The following PIK3C2G variants were observed in gnomAD, a reference collection of about 807,000 sequenced individuals.
The protein encoded by PIK3C2G is phosphatidylinositol 3-kinase C2 domain-containing subunit gamma.
In PIK3C2G, 168 loss-of-function variants were observed where a neutral mutation model predicts 181.1. The ratio of observed to expected loss-of-function variants is 0.93; its 90% confidence interval spans 0.82 to 1.05. The LOEUF (loss-of-function observed/expected upper bound fraction) is 1.05. Among genes scored for constraint, PIK3C2G ranks in the 50% least tolerant of loss-of-function variants. The probability of loss-of-function intolerance (pLI) is 0.00; values close to 1 mark genes in which losing one functional copy is unlikely to be tolerated. For synonymous variants in PIK3C2G, 573 were observed against 592.2 expected (o/e 0.97, Z 0.47); for missense variants, 1,869 against 1,732.8 (o/e 1.08, Z -1.40).
intron 8 of PIK3C2G, among the ~76,000 whole-genome samples, chr12:18,327,885 A>G (rs1178055489): frequency 6.6e-6 from 1 of 152,016 alleles, no homozygotes; most frequent in Non-Finnish European, 1.5e-5. Flanking sequence ...GAGAGACAGC[A>G]TATCCACATA....
chr12:18,707,486 A>G, the PIK3C2G span, among the ~76,000 whole-genome samples: 2 of 152,066 alleles, frequency 1.3e-5, no homozygotes, highest in African/African-American at 2.4e-5. Context: ...CCACATTGAA[A>G]GTGGATGTTG....
chr12:18,333,239 G>T (rs1034710997), intron 8 of PIK3C2G, among the ~76,000 whole-genome samples: 3 of 151,874 alleles, frequency 2.0e-5, no homozygotes, highest in African/African-American at 7.3e-5. Context: ...TATATTATCT[G>T]GATTTTTCAT....
At chr12:18,332,609 G>C (rs1938094467) in intron 8 of PIK3C2G, among the ~76,000 whole-genome samples, 1 of 151,996 alleles carries the variant, frequency 6.6e-6, no homozygotes, top group East Asian at 1.9e-4. Context: ...CAGAAGCAAA[G>C]GCCTTTTGCT....
intron 19 of PIK3C2G, among the ~76,000 whole-genome samples, chr12:18,490,316 A>G (rs1030288328): frequency 6.6e-6 from 1 of 152,304 alleles, no homozygotes; most frequent in East Asian, 1.9e-4. Context: ...GTAAAAGGTA[A>G]GAAACTCTTG....
At chr12:18,568,861 GCA>G (rs1359138804) in intron 29 of PIK3C2G, among the ~76,000 whole-genome samples, 1 of 151,954 alleles carries the variant, frequency 6.6e-6, no homozygotes, top group African/African-American at 2.4e-5. Context: ...TACTAGACTA[GCA>G]CATTGTTCTT....
chr12:18,691,875 G>A, the PIK3C2G span, among the ~76,000 whole-genome samples: 1 of 152,102 alleles, frequency 6.6e-6, no homozygotes, highest in Admixed American at 6.6e-5. Flanking sequence ...ACTGTTTCCT[G>A]CAATGGTCAG....
the PIK3C2G span, among the ~76,000 whole-genome samples, chr12:18,710,059 G>A: frequency 2.6e-5 from 4 of 151,410 alleles, no homozygotes; most frequent in African/African-American, 9.7e-5. Flanking sequence ...TTTTTGTGTG[G>A]AATCGTTGGG....
At chr12:18,368,069 G>A (rs1453957085) in intron 12 of PIK3C2G, among the ~76,000 whole-genome samples, 1 of 152,044 alleles carries the variant, frequency 6.6e-6, no homozygotes, top group African/African-American at 2.4e-5. Flanking sequence ...AACAACATGG[G>A]GGAAACCGCT....
At chr12:18,311,328 A>G (rs1272432039) in intron 5 of PIK3C2G, among the ~76,000 whole-genome samples, 3 of 152,072 alleles carry the variant, frequency 2.0e-5, no homozygotes, top group Non-Finnish European at 4.4e-5. Context: ...ATCCAGTTTT[A>G]TTTCAAAGTC....
intron 8 of PIK3C2G, 44 bp downstream of exon 8, chr12:18,325,142 T>G: frequency 9.5e-7 from 1 of 1,051,036 alleles, no homozygotes; most frequent in Non-Finnish European, 1.4e-6. Context: ...GTAAGCGTTT[T>G]TAACGCATCT....
At chr12:18,683,684 T>A in the PIK3C2G span, 1 of 1,229,338 alleles carries the variant, frequency 8.1e-7, no homozygotes, top group Non-Finnish European at 1.1e-6. Context: ...ACAGTGTAAA[T>A]CACCCTGGAA....
In PIK3C2G at chr12:18,290,640, C is replaced by T. The variant is rs571786741; in HGVS notation, c.762-215C>T. 2.6e-5 allele frequency among the ~76,000 whole-genome samples: 4 copies of T among 152,262 alleles called. No individual in the cohort carries two copies. The East Asian group carries it at 7.7e-4, about 29-fold the overall frequency. On this transcript the variant is annotated intron_variant, in intron 3 of 32. Transcript: ENST00000538779. ...CTCCTGGGAAAGCCTAAAGAACAGT[C>T]CTTTACACTTGTTTTTGGTATAATT...
At chr12:18,248,400 G>A (rs1028611685) in intron 1 of PIK3C2G, among the ~76,000 whole-genome samples, 3 of 151,948 alleles carry the variant, frequency 2.0e-5, no homozygotes, top group African/African-American at 7.2e-5. Flanking sequence ...GTGAAACCCC[G>A]TCTCTACTAA....
At chr12:18,284,678 GAAACAAAGGAACAA>G (rs1171083641) in intron 2 of PIK3C2G, among the ~76,000 whole-genome samples, 2 of 151,812 alleles carry the variant, frequency 1.3e-5, no homozygotes, top group African/African-American at 4.8e-5. Context: ...GAAACATCAA[GAAACAAAGGAACAA>G]AAACAAAGGC....
chr12:18,698,544 T>C, the PIK3C2G span, among the ~76,000 whole-genome samples: 1 of 152,294 alleles, frequency 6.6e-6, no homozygotes, highest in African/African-American at 2.4e-5. Context: ...AGAATCCGCA[T>C]TCCCAAACAG....
At chr12:18,595,258 T>G (rs1280766424) in intron 30 of PIK3C2G, among the ~76,000 whole-genome samples, 1 of 152,138 alleles carries the variant, frequency 6.6e-6, no homozygotes, top group Non-Finnish European at 1.5e-5. Flanking sequence ...ATTAGCTGGT[T>G]GTAAGCAAGA....
At chr12:18,680,489 C>T in the PIK3C2G span, among the ~76,000 whole-genome samples, 1,604 of 152,128 alleles carry the variant, frequency 0.011, 25 homozygotes, top group African/African-American at 0.037. Flanking sequence ...CATTTACCTC[C>T]AGTGACCATC....
At chr12:18,590,616 A>G (rs1292806104) in intron 29 of PIK3C2G, among the ~76,000 whole-genome samples, 1 of 151,902 alleles carries the variant, frequency 6.6e-6, no homozygotes, top group Non-Finnish European at 1.5e-5. Flanking sequence ...AGCACTGATA[A>G]TTCTATAAAT....
chr12:18,525,799 C>T (rs1385313643), intron 24 of PIK3C2G, among the ~76,000 whole-genome samples: 1 of 152,130 alleles, frequency 6.6e-6, no homozygotes, highest in Non-Finnish European at 1.5e-5. Flanking sequence ...ACTTTAAAGA[C>T]ATAGAAAATG....
Sources: gnomAD v4.1 joint callset for allele counts (sites outside exome capture counted in the v4.1 genomes callset) on GRCh38, gnomAD v4.1.1 for gene constraint, MANE v1.5 for transcripts, NCBI Gene and HGNC (gene_info 2026-07-23, HGNC 2026-07-21) for gene names.